CFAP46: variants seen among roughly 807,000 people sequenced by gnomAD.
CFAP46 encodes cilia and flagella associated protein 46, also known as cilia- and flagella-associated protein 46.
A neutral mutation model predicts 325.7 loss-of-function variants in CFAP46; 245 were observed. The observed-to-expected ratio is 0.75, with a 90% CI of 0.68 to 0.84. The LOEUF (loss-of-function observed/expected upper bound fraction) is 0.84. CFAP46 is among the 40% of genes least tolerant of loss of function. The pLI is 0.00. For synonymous variants in CFAP46, 1,523 were observed against 1,495.9 expected (o/e 1.02, Z -0.42); for missense variants, 3,346 against 3,543.0 (o/e 0.94, Z 1.41).
chr10:132,924,424 C>T (rs931981922), intron 11 of CFAP46, among the ~76,000 whole-genome samples: 3 of 152,184 alleles, frequency 2.0e-5, no homozygotes, highest in African/African-American at 7.2e-5. Flanking sequence ...CCTCTGTGGC[C>T]ATGACAGGCC....
chr10:132,861,015 C>T (rs1414671662), intron 35 of CFAP46, 33 bp from the exon 36 acceptor site: 3 of 1,544,164 alleles, frequency 1.9e-6, no homozygotes, highest in Non-Finnish European at 2.6e-6. Context: ...TGCTTGGGTT[C>T]CTCTACAGAT....
At chr10:132,924,586 G>A (rs964018623) in intron 11 of CFAP46, 110 bp downstream of exon 11, 2 of 1,106,866 alleles carry the variant, frequency 1.8e-6, no homozygotes, top group Non-Finnish European at 2.4e-6. Context: ...GGGGGAGTCT[G>A]TTGCTTGTGG....
intron 24 of CFAP46, among the ~76,000 whole-genome samples, chr10:132,893,407 C>G (rs2135449708): frequency 6.6e-6 from 1 of 152,342 alleles, no homozygotes; most frequent in South Asian, 2.1e-4. Flanking sequence ...CACAGAGGCT[C>G]ACGCCACTTG....
intron 7 of CFAP46, among the ~76,000 whole-genome samples, chr10:132,936,673 TCTC>T (rs1474619615): frequency 2.0e-5 from 3 of 151,004 alleles, no homozygotes; most frequent in African/African-American, 4.9e-5. Context: ...CACACCATGA[TCTC>T]CTCCTACAGG....
At chr10:132,848,702 C>A (rs369600463) in intron 41 of CFAP46, among the ~76,000 whole-genome samples, 1 of 152,202 alleles carries the variant, frequency 6.6e-6, no homozygotes, top group Non-Finnish European at 1.5e-5. Context: ...CTTATCAAAG[C>A]GTTTGGATTC....
intron 17 of CFAP46, among the ~76,000 whole-genome samples, chr10:132,913,990 T>G (rs1849599401): frequency 6.6e-6 from 1 of 152,132 alleles, no homozygotes; most frequent in African/African-American, 2.4e-5. Context: ...ACACCTGCCA[T>G]GGGACCCCCG....
Position 132,899,046 on chromosome 10 carries a change from C to A in CFAP46, c.3132G>T (p.Leu1044=), listed in dbSNP as rs962393611. ...TCTTCCTGTAGACGGCTGAGGACAG[C>A]AGTGGGAGCCAGGCGTTCCAGTAAT... The part of the protein sequence containing the change: ...ARHYWNAWLP[L]LSSAVYRKKA... Residue 1044 remains leucine (L), a synonymous_variant, in exon 24 of 58, where the codon CTG becomes CTT. Coordinates refer to ENST00000368586, the MANE Select transcript of CFAP46 (RefSeq NM_001200049.3). 2 of 1,550,496 alleles carry A rather than the reference C, an allele frequency of 1.3e-6. No homozygotes were observed. The highest frequency in any genetic ancestry group is 3.9e-5 in the Admixed American group (2 of 50,992).
intron 53 of CFAP46, 48 bp downstream of exon 53, chr10:132,814,529 G>A: frequency 6.5e-7 from 1 of 1,547,054 alleles, no homozygotes; most frequent in Non-Finnish European, 8.7e-7. Context: ...ACGGCAGGAG[G>A]CCCGAGGCTG....
chr10:132,819,714 A>G (rs1395089247), intron 50 of CFAP46, among the ~76,000 whole-genome samples: 1 of 152,258 alleles, frequency 6.6e-6, no homozygotes, highest in Non-Finnish European at 1.5e-5. Flanking sequence ...TTGGAGCCTT[A>G]TCTTACACCA....
At position 132,867,501 on chromosome 10, in the gene CFAP46, T is replaced by C. The variant is rs760332436; in HGVS notation, c.4617A>G (p.Arg1539=). The change falls in exon 34 of 58, where the codon AGA becomes AGG. Residue 1539 remains arginine (R), a synonymous_variant. Coordinates refer to ENST00000368586, the MANE Select transcript of CFAP46 (RefSeq NM_001200049.3). ...TCTCTTTTTTCAACGCGATCTCTTT[T>C]CTGCAGCTAATGCGAGGAAAACAGA... The part of the protein sequence containing the change: ...CVSELEQASC[R]KEIALKKEKN... 2 of 1,549,942 alleles carry C rather than the reference T, an allele frequency of 1.3e-6. No homozygotes were observed.
intron 44 of CFAP46, chr10:132,837,163 T>A (rs192575715): frequency 1.9e-4 from 93 of 500,702 alleles, no homozygotes; most frequent in African/African-American, 1.7e-3. Flanking sequence ...GTTGTTAATG[T>A]TTAGAAACCT....
intron 39 of CFAP46, among the ~76,000 whole-genome samples, chr10:132,854,828 G>T (rs1198082677): frequency 6.6e-6 from 1 of 151,990 alleles, no homozygotes. Context: ...TCCTTGCCCT[G>T]TTTCTATGGA....
chr10:132,892,418 C>T lies in CFAP46; in HGVS notation c.3220-1G>A, dbSNP rs1417502429. On this transcript the variant is annotated splice_acceptor_variant, in intron 24 of 57. Transcript: ENST00000368586. LOFTEE classifies it high-confidence loss of function. ...GCAGAAGCAGCGTCTTTCCTTTCTC[C>T]TAAAGTAACGCAAGTAAACGACACG... 2 of 1,550,570 alleles carry T rather than the reference C, an allele frequency of 1.3e-6. No individual in the cohort carries two copies. The highest frequency in any genetic ancestry group is 1.7e-6 in the Non-Finnish European group (2 of 1,146,994).
Position 132,835,307 on chromosome 10 carries a change from G to C in CFAP46, c.6741C>G (p.Gly2247=), listed in dbSNP as rs777650071. ...VYSEDMALNI[G]SEPEGLQVEE... ...CTTGGAGCCTGGAGGGCCTCACCGA[G>C]CCTATGTTCAGGGCCATGTCCTCAC... Residue 2247 remains glycine, a synonymous_variant, in exon 47 of 58, where the codon GGC becomes GGG. Coordinates refer to ENST00000368586, the MANE Select transcript of CFAP46 (RefSeq NM_001200049.3). 8.1e-6 allele frequency: 13 copies of C among 1,612,816 alleles called. No homozygotes were observed. The South Asian group carries it at 1.4e-4, about 18-fold the overall frequency.
rs1394161975 is a variant in CFAP46 at position 132,847,480 on chromosome 10, C to G, written c.5953-159G>C. Among the ~76,000 whole-genome samples the G allele has an allele frequency of 6.6e-6, 1 of 152,094 alleles. No homozygotes were observed. The highest frequency in any genetic ancestry group is 2.4e-5 in the African/African-American group (1 of 41,416). Reference sequence around the variant, plus strand: ...GCATGGCCTCTCACTATCCCAAACCCTCCATCCCTGAGTTGATGCAGGGTG... The same window carrying G: ...GCATGGCCTCTCACTATCCCAAACCGTCCATCCCTGAGTTGATGCAGGGTG... On this transcript the variant is annotated intron_variant, in intron 41 of 57. Coordinates refer to ENST00000368586, the MANE Select transcript of CFAP46 (RefSeq NM_001200049.3). This position sits in a 1 kb window ranked among gnomAD's most constrained non-coding sequence, Gnocchi z 5.2.
At position 132,827,371 on chromosome 10, in the gene CFAP46, C is replaced by T. The variant is rs191277631; in HGVS notation, c.7117+5987G>A. On this transcript the variant is annotated intron_variant, in intron 50 of 57. Coordinates refer to ENST00000368586, the MANE Select transcript of CFAP46 (RefSeq NM_001200049.3). The surrounding 1 kb of genome is among the most constrained non-coding windows in gnomAD (Gnocchi z 5.7). The stretch of plus-strand genomic sequence containing the variant: ...GGAGCTCCTGGGCCTGGAGGAGCCT[C>T]CCTGGGACACGGTGCCTGCAGGGCC... Among the ~76,000 whole-genome samples, 586 of 152,260 alleles carry T rather than the reference C, an allele frequency of 3.8e-3. No individual in the cohort carries two copies. The highest frequency in any genetic ancestry group is 0.02 in the South Asian group (96 of 4,828).
intron 49 of CFAP46, 34 bp from the exon 50 acceptor site, chr10:132,833,559 G>C (rs761020140): frequency 5.0e-6 from 8 of 1,595,560 alleles, no homozygotes; most frequent in Non-Finnish European, 6.9e-6. Context: ...ATCAGCTCCT[G>C]AAGACGGGAC....
intron 11 of CFAP46, among the ~76,000 whole-genome samples, chr10:132,923,184 C>T (rs1849753466): frequency 1.3e-5 from 2 of 151,932 alleles, no homozygotes; most frequent in African/African-American, 2.4e-5. Flanking sequence ...ACCCCGGAAC[C>T]CCTGGCCTCA....
At chr10:132,894,850 A>G (rs1027168224) in intron 24 of CFAP46, among the ~76,000 whole-genome samples, 1 of 152,184 alleles carries the variant, frequency 6.6e-6, no homozygotes, top group Non-Finnish European at 1.5e-5. Flanking sequence ...CCTGGACTAT[A>G]TGGCTTCATC....
Sources: allele counts gnomAD v4.1 joint callset (sites outside exome capture counted in the v4.1 genomes callset), GRCh38; gene constraint gnomAD v4.1.1; non-coding constraint Gnocchi (gnomAD v3.1); transcripts MANE v1.5; gene names NCBI Gene and HGNC (gene_info 2026-07-23, HGNC 2026-07-21).